RAB3C: variants seen among roughly 807,000 people sequenced by gnomAD.
RAB3C encodes RAB3C, member RAS oncogene family.
RAB3C carries 17 observed loss-of-function variants against 26.4 expected under a neutral mutation model. The observed-to-expected ratio is 0.64, with a 90% confidence interval of 0.44 to 0.97. The LOEUF (loss-of-function observed/expected upper bound fraction) is 0.97, where lower values mean the gene tolerates loss of function less well. RAB3C is among the 50% of genes least tolerant of loss of function. The pLI is 0.00. For missense variants in RAB3C, 242 were observed against 281.9 expected, an observed-to-expected ratio of 0.86 and a Z score of 1.01; for synonymous variants, 91 against 95.9, an observed-to-expected ratio of 0.95 and a Z score of 0.30.
chr5:58,804,137 T>C (rs1742880117), intron 3 of RAB3C, among the ~76,000 whole-genome samples: 1 of 152,090 alleles, frequency 6.6e-6, no homozygotes, highest in Non-Finnish European at 1.5e-5. Flanking sequence ...CCTTTATCTG[T>C]AGGTAGATTT....
At chr5:58,608,996 C>G (rs1196894174) in intron 1 of RAB3C, among the ~76,000 whole-genome samples, 2 of 152,002 alleles carry the variant, frequency 1.3e-5, no homozygotes, top group African/African-American at 4.8e-5. Context: ...ACAATGAGAA[C>G]ACTTGGACTT....
At chr5:58,744,689 T>C (rs1040804920) in intron 3 of RAB3C, among the ~76,000 whole-genome samples, 1 of 152,208 alleles carries the variant, frequency 6.6e-6, no homozygotes, top group Non-Finnish European at 1.5e-5. Flanking sequence ...TTTCAAATAT[T>C]ATGTTTTTTA....
intron 3 of RAB3C, among the ~76,000 whole-genome samples, chr5:58,807,650 G>C (rs1742972854): frequency 6.6e-6 from 1 of 151,982 alleles, no homozygotes; most frequent in Non-Finnish European, 1.5e-5. Flanking sequence ...CTTATAAAGG[G>C]ATTAAAACTA....
intron 1 of RAB3C, among the ~76,000 whole-genome samples, chr5:58,593,989 C>G (rs1386434824): frequency 2.0e-5 from 3 of 152,134 alleles, no homozygotes; most frequent in Non-Finnish European, 4.4e-5. Flanking sequence ...ATCATAGCCA[C>G]TTAGCTCCTA....
chr5:58,772,618 G>A (rs181737395), intron 3 of RAB3C, among the ~76,000 whole-genome samples: 95 of 152,260 alleles, frequency 6.2e-4, no homozygotes, highest in Admixed American at 6.5e-4. Flanking sequence ...AAGGCTCATC[G>A]TGCTTGTCTT....
intron 1 of RAB3C, 134 bp downstream of exon 1, chr5:58,583,366 C>T: frequency 6.5e-7 from 1 of 1,536,710 alleles, no homozygotes; most frequent in Non-Finnish European, 8.8e-7. Flanking sequence ...GTGACATGAC[C>T]CTGGGAACAG....
chr5:58,788,572 T>G (rs1327189190), intron 3 of RAB3C, among the ~76,000 whole-genome samples: 2 of 152,232 alleles, frequency 1.3e-5, no homozygotes, highest in Non-Finnish European at 2.9e-5. Flanking sequence ...CCTGCTTTAG[T>G]GCACCTTAAG....
intron 4 of RAB3C, among the ~76,000 whole-genome samples, chr5:58,827,915 A>G (rs1041761639): frequency 5.3e-5 from 8 of 152,236 alleles, no homozygotes; most frequent in African/African-American, 1.9e-4. Flanking sequence ...ATTCTTCAGA[A>G]TACCATCACA....
At chr5:58,700,171 G>A (rs540849265) in intron 2 of RAB3C, among the ~76,000 whole-genome samples, 180 of 152,312 alleles carry the variant, frequency 1.2e-3, no homozygotes, top group Non-Finnish European at 1.9e-3. Context: ...AAATGAGTCA[G>A]CATGGTGCAT....
chr5:58,667,349 G>T (rs1748022866), intron 2 of RAB3C, among the ~76,000 whole-genome samples: 1 of 152,148 alleles, frequency 6.6e-6, no homozygotes, highest in African/African-American at 2.4e-5. Flanking sequence ...AAATGAAAGG[G>T]CAGACTTAGC....
intron 4 of RAB3C, chr5:58,848,291 G>A (rs1036473811): frequency 6.6e-6 from 1 of 152,072 alleles, no homozygotes; most frequent in Non-Finnish European, 1.5e-5. Flanking sequence ...GTTTCATTTG[G>A]TTTACTGGCA....
At chr5:58,582,446 T>G, upstream of RAB3C, 1 of 984,716 alleles carries the variant, frequency 1.0e-6, no homozygotes, top group South Asian at 4.7e-5. Context: ...CTTGGGGTGC[T>G]TAGCCAGAAA....
intron 1 of RAB3C, among the ~76,000 whole-genome samples, chr5:58,596,773 A>C (rs1293157167): frequency 9.6e-6 from 1 of 103,928 alleles, no homozygotes; most frequent in Admixed American, 1.5e-4. Flanking sequence ...TATATAATAT[A>C]TAATACATAA....
chr5:58,584,316 G>T (rs1056437835), intron 1 of RAB3C, among the ~76,000 whole-genome samples: 4 of 152,118 alleles, frequency 2.6e-5, no homozygotes, highest in Admixed American at 2.6e-4. Flanking sequence ...CCCCTTACTG[G>T]ACTGTTAGAT....
chr5:58,818,536 A>G (rs1052286804), intron 3 of RAB3C, among the ~76,000 whole-genome samples: 2 of 152,236 alleles, frequency 1.3e-5, no homozygotes, highest in Admixed American at 6.5e-5. Context: ...AATGGCAAGT[A>G]AATAACAGGC....
At chr5:58,689,538 C>T (rs1399895501) in intron 2 of RAB3C, among the ~76,000 whole-genome samples, 1 of 151,726 alleles carries the variant, frequency 6.6e-6, no homozygotes, top group Non-Finnish European at 1.5e-5. Context: ...GTGTATGGCC[C>T]AGGTTAATTT....
chr5:58,584,889 C>G (rs183030689), intron 1 of RAB3C, among the ~76,000 whole-genome samples: 2 of 151,102 alleles, frequency 1.3e-5, no homozygotes, highest in Admixed American at 6.6e-5. Context: ...TAAAATATTA[C>G]AGAACTGTAT....
intron 4 of RAB3C, among the ~76,000 whole-genome samples, chr5:58,839,111 T>G (rs193235130): frequency 2.0e-5 from 3 of 152,070 alleles, no homozygotes; most frequent in African/African-American, 7.2e-5. Flanking sequence ...TGAAGTGAGT[T>G]TTTTGTAGGT....
chr5:58,655,936 A>G (rs1380972637), intron 2 of RAB3C, among the ~76,000 whole-genome samples: 1 of 151,906 alleles, frequency 6.6e-6, no homozygotes, highest in African/African-American at 2.4e-5. Context: ...AGCTGGGACT[A>G]CAGGCGCCCG....
Sources: allele counts gnomAD v4.1 joint callset (sites outside exome capture counted in the v4.1 genomes callset), GRCh38; gene constraint gnomAD v4.1.1; transcripts MANE v1.5; gene names NCBI Gene and HGNC (gene_info 2026-07-23, HGNC 2026-07-21).